The following IGF1R variants were observed in gnomAD, a reference collection of about 807,000 sequenced individuals.
The protein encoded by IGF1R is insulin like growth factor 1 receptor.
Under a neutral mutation model 144.6 loss-of-function variants are expected in IGF1R, and 44 were observed. The ratio of observed to expected loss-of-function variants is 0.30; its 90% CI spans 0.24 to 0.39. IGF1R has a LOEUF of 0.39. Among genes scored for constraint, IGF1R ranks in the 10% least tolerant of loss-of-function variants. IGF1R has a pLI of 1.00. For missense variants in IGF1R, 1,355 were observed against 1,833.7 expected (o/e 0.74, Z 4.77); for synonymous variants, 795 against 722.8 (o/e 1.10, Z -1.60).
At chr15:98,925,544 T>C (rs2015680448) in intron 13 of IGF1R, among the ~76,000 whole-genome samples, 1 of 152,258 alleles carries the variant, frequency 6.6e-6, no homozygotes, top group Non-Finnish European at 1.5e-5. Context: ...GTAACACTTT[T>C]GGGTCTAGTG....
At chr15:98,928,741 C>G (rs1369197781) in intron 13 of IGF1R, among the ~76,000 whole-genome samples, 1 of 152,142 alleles carries the variant, frequency 6.6e-6, no homozygotes, top group Non-Finnish European at 1.5e-5. Context: ...ACACTAATTT[C>G]CCATGTCCCA....
At chr15:98,806,899 A>C (rs535088611) in intron 2 of IGF1R, among the ~76,000 whole-genome samples, 13 of 152,276 alleles carry the variant, frequency 8.5e-5, no homozygotes, top group African/African-American at 2.4e-4. Context: ...GGTGGCTCAC[A>C]CCTGTAATCC....
intron 15 of IGF1R, among the ~76,000 whole-genome samples, chr15:98,930,938 G>T (rs1280694580): frequency 6.6e-6 from 1 of 152,106 alleles, no homozygotes; most frequent in Non-Finnish European, 1.5e-5. Context: ...CAGACCTTTT[G>T]AGTGAGTCGG....
At chr15:98,862,402 G>A (rs972025635) in intron 2 of IGF1R, among the ~76,000 whole-genome samples, 4 of 152,198 alleles carry the variant, frequency 2.6e-5, no homozygotes, top group Admixed American at 6.5e-5. Context: ...CTCGCTGGAA[G>A]ACAAATCTAA....
At chr15:98,666,944 G>C (rs569330528) in intron 1 of IGF1R, among the ~76,000 whole-genome samples, 1 of 152,206 alleles carries the variant, frequency 6.6e-6, no homozygotes, top group South Asian at 2.1e-4. Flanking sequence ...TTTCTCAATT[G>C]TTTATGCGAG....
rs115953255 is a variant in IGF1R, at chr15:98,731,650, C to T, written c.640+23543C>T. ...CATTTCCCTGAATGTCGTGTGGACA[C>T]GTGAGAGGACAGTGCACCCTTTGGG... On this transcript the variant is annotated intron_variant, in intron 2 of 20. Coordinates refer to ENST00000650285, the MANE Select transcript of IGF1R (RefSeq NM_000875.5). Among the ~76,000 whole-genome samples the T allele has an allele frequency of 2.6e-3, 390 of 152,282 alleles. 2 individuals carry two copies. Among genetic ancestry groups the T allele is most frequent in the African/African-American group, 9.2e-3 (382 of 41,570 alleles).
intron 2 of IGF1R, among the ~76,000 whole-genome samples, chr15:98,714,147 C>G (rs1287708056): frequency 4.0e-5 from 6 of 151,688 alleles, no homozygotes; most frequent in Non-Finnish European, 8.8e-5. Flanking sequence ...TGGCATCTCA[C>G]TGACTTAAAA....
At chr15:98,826,067 C>G (rs1324852011) in intron 2 of IGF1R, among the ~76,000 whole-genome samples, 1 of 152,156 alleles carries the variant, frequency 6.6e-6, no homozygotes, top group Non-Finnish European at 1.5e-5. Context: ...AGTTGTTAGG[C>G]TGGGGCCTGC....
chr15:98,825,114 C>T (rs1029680863), intron 2 of IGF1R, among the ~76,000 whole-genome samples: 5 of 152,194 alleles, frequency 3.3e-5, no homozygotes, highest in Admixed American at 6.5e-5. Context: ...GCTGGGATTA[C>T]AGGCATGAGC....
At chr15:98,806,498 A>C (rs2056474793) in intron 2 of IGF1R, among the ~76,000 whole-genome samples, 1 of 152,126 alleles carries the variant, frequency 6.6e-6, no homozygotes, top group African/African-American at 2.4e-5. Context: ...TAAAAAAAAA[A>C]AACAAAAAAC....
In IGF1R at chr15:98,916,803, C is replaced by G. The variant is rs752774511; in HGVS notation, c.2128C>G (p.Gln710Glu). ...CACPKTEAEKQAEKEEAEYRK... is the reference protein window; with the variant it reads ...CACPKTEAEKEAEKEEAEYRK... ...CTGCCCCAAAACTGAAGCCGAGAAG[C>G]AGGCCGAGAAGGAGGAGGCTGAATA... Residue 710 changes from glutamine to glutamate, a missense_variant, in exon 10 of 21, where the codon CAG becomes GAG. Transcript: ENST00000650285. 3 of 1,614,114 alleles carry G rather than the reference C, an allele frequency of 1.9e-6. No individual in the cohort carries two copies. The highest frequency in any genetic ancestry group is 2.2e-5 in the South Asian group (2 of 91,072).
intron 2 of IGF1R, among the ~76,000 whole-genome samples, chr15:98,822,593 A>G (rs2056822058): frequency 6.6e-6 from 1 of 152,190 alleles, no homozygotes; most frequent in Admixed American, 6.5e-5. Flanking sequence ...AAAGCTTCTT[A>G]TTCATTCGCT....
At chr15:98,667,946 C>T (rs1338984138) in intron 1 of IGF1R, among the ~76,000 whole-genome samples, 4 of 152,000 alleles carry the variant, frequency 2.6e-5, no homozygotes, top group Non-Finnish European at 5.9e-5. Context: ...GGTTCTCTTA[C>T]GGGGCTGTAT....
At chr15:98,667,376 A>T (rs1468969996) in intron 1 of IGF1R, among the ~76,000 whole-genome samples, 1 of 151,976 alleles carries the variant, frequency 6.6e-6, no homozygotes, top group Non-Finnish European at 1.5e-5. Context: ...CTGCCTCATT[A>T]CAGAGGGGGG....
intron 1 of IGF1R, among the ~76,000 whole-genome samples, chr15:98,663,834 G>A (rs889242508): frequency 6.6e-6 from 1 of 152,216 alleles, no homozygotes; most frequent in Non-Finnish European, 1.5e-5. Context: ...AAGTGAAGAG[G>A]AACAGTTTGT....
At chr15:98,698,770 G>GC (rs2053657140) in intron 1 of IGF1R, among the ~76,000 whole-genome samples, 1 of 152,186 alleles carries the variant, frequency 6.6e-6, no homozygotes, top group African/African-American at 2.4e-5. Context: ...CAGATAGAAA[G>GC]CCTCAGTATT....
intron 2 of IGF1R, among the ~76,000 whole-genome samples, chr15:98,790,136 G>T (rs2056095499): frequency 6.6e-6 from 1 of 152,184 alleles, no homozygotes; most frequent in African/African-American, 2.4e-5. Context: ...GAGGACAATG[G>T]AGGAGATGGG....
chr15:98,799,753 G>A (rs746751093), intron 2 of IGF1R, among the ~76,000 whole-genome samples: 1 of 152,102 alleles, frequency 6.6e-6, no homozygotes, highest in Non-Finnish European at 1.5e-5. Context: ...GGCTGGGATC[G>A]TGGTGTTAAA....
intron 2 of IGF1R, among the ~76,000 whole-genome samples, chr15:98,750,487 G>A (rs561082597): frequency 6.6e-5 from 10 of 152,234 alleles, no homozygotes. Flanking sequence ...AGCCTAGTAT[G>A]GTATTCTGTC....
Sources: gnomAD v4.1 joint callset for allele counts (sites outside exome capture counted in the v4.1 genomes callset) on GRCh38, gnomAD v4.1.1 for gene constraint, MANE v1.5 for transcripts, NCBI Gene and HGNC (gene_info 2026-07-23, HGNC 2026-07-21) for gene names.